KIF16B: variants seen among roughly 807,000 people sequenced by gnomAD.
The protein encoded by KIF16B is kinesin-like protein KIF16B.
A neutral mutation model predicts 156.3 loss-of-function variants in KIF16B; 98 were observed. That is an observed-to-expected ratio of 0.63 (90% confidence interval 0.53 to 0.74). The LOEUF (loss-of-function observed/expected upper bound fraction) is 0.74. Among genes scored for constraint, KIF16B ranks in the 30% least tolerant of loss-of-function variants. KIF16B has a pLI of 0.00. For missense variants in KIF16B, 1,421 were observed against 1,606.5 expected (o/e 0.88, Z 1.97); for synonymous variants, 564 against 583.7 (o/e 0.97, Z 0.49).
At position 16,515,531 on chromosome 20, in the gene KIF16B, C is replaced by G. The variant is rs567065097; in HGVS notation, c.348+17G>C. 6.2e-6 allele frequency: 8 copies of G among 1,298,688 alleles called. No individual in the cohort carries two copies. Among genetic ancestry groups the G allele is most frequent in the Non-Finnish European group, 8.9e-6 (8 of 893,946 alleles). The allele number at this position is 1,298,688 out of a possible 1,614,324, so 80.4% of individuals were successfully genotyped here. On this transcript the variant is annotated intron_variant, in intron 4 of 25. Transcript: ENST00000354981. ...GATAATGAGAAATTTCCTTCCCACA[C>G]AGTATAAACAACGTACAGAATTTCC...
rs761228109 is a variant in KIF16B at position 16,528,423 on chromosome 20, G to A, written c.65C>T (p.Ala22Val). The A allele has an allele frequency of 7.4e-6, 12 of 1,613,062 alleles. No homozygotes were observed. The Middle Eastern group carries it at 1.2e-3, about 155-fold the overall frequency. ...PMNRREKDLE[A>V]KFIIQMEKSK... ...TTTCTCCATCTGAATAATGAACTTG[G>A]CCTCCAAGTCCTTTTCCCTGCAATA... Residue 22 changes from alanine (A) to valine (V), a missense_variant, in exon 2 of 26, where the codon GCC (alanine) becomes GTC (valine). Transcript: ENST00000354981.
chr20:16,312,348 C>T lies in KIF16B; in HGVS notation c.3782G>A (p.Arg1261Gln), dbSNP rs149140715. The change falls in exon 25 of 26, where the codon CGA (arginine) becomes CAA (glutamine). Residue 1261 changes from arginine to glutamine, a missense_variant. Coordinates refer to ENST00000354981, the MANE Select transcript of KIF16B (RefSeq NM_024704.5). ...NKDERVIAER[R>Q]SHLEKYLRDF... ...TAATTCTGTTACCTCTAAGTGACTT[C>T]GTCTCTCAGCAATCACACGTTCATC... is the stretch of plus-strand genomic sequence containing the variant. The T allele has an allele frequency of 2.3e-5, 37 of 1,612,702 alleles. No individual in the cohort carries two copies. The highest frequency in any genetic ancestry group is 2.2e-4 in the East Asian group (10 of 44,820).
chr20:16,374,201 A>G (rs558635337), intron 20 of KIF16B, 56 bp downstream of exon 20: 7 of 1,431,606 alleles, frequency 4.9e-6, no homozygotes, highest in Non-Finnish European at 5.5e-6. Flanking sequence ...CAGAGAAACA[A>G]TGAGTCCTTG....
intron 25 of KIF16B, among the ~76,000 whole-genome samples, chr20:16,301,915 G>T (rs544744953): frequency 6.6e-6 from 1 of 152,324 alleles, no homozygotes; most frequent in African/African-American, 2.4e-5. Flanking sequence ...CTCTCAAAGT[G>T]TTGGGATTAC....
intron 1 of KIF16B, among the ~76,000 whole-genome samples, chr20:16,530,504 T>C (rs2069707916): frequency 6.6e-6 from 1 of 152,018 alleles, no homozygotes; most frequent in Non-Finnish European, 1.5e-5. Context: ...AGGGGCCCGC[T>C]AGCAGCACGC....
intron 12 of KIF16B, among the ~76,000 whole-genome samples, chr20:16,439,746 G>A (rs944073189): frequency 2.0e-5 from 3 of 152,292 alleles, no homozygotes; most frequent in African/African-American, 4.8e-5. Flanking sequence ...GGAGGAGCAA[G>A]TCACATCTTA....
At chr20:16,561,983 T>C (rs932690735) in intron 1 of KIF16B, among the ~76,000 whole-genome samples, 3 of 152,112 alleles carry the variant, frequency 2.0e-5, no homozygotes, top group African/African-American at 4.8e-5. Flanking sequence ...AAGGAAGACA[T>C]TAGTGGGAAA....
At chr20:16,489,229 GTA>G (rs2068213720) in intron 12 of KIF16B, among the ~76,000 whole-genome samples, 2 of 152,166 alleles carry the variant, frequency 1.3e-5, no homozygotes, top group African/African-American at 4.8e-5. Context: ...TGGAGAAGAG[GTA>G]CCTGCTGCTG....
intron 12 of KIF16B, among the ~76,000 whole-genome samples, chr20:16,445,600 T>C (rs1182715442): frequency 6.6e-6 from 1 of 152,114 alleles, no homozygotes; most frequent in African/African-American, 2.4e-5. Context: ...GACCTTTTTC[T>C]GAAAATGTGG....
At chr20:16,549,857 T>C (rs1485484251) in intron 1 of KIF16B, among the ~76,000 whole-genome samples, 1 of 86,698 alleles carries the variant, frequency 1.2e-5, no homozygotes, top group Non-Finnish European at 2.3e-5. Flanking sequence ...CAAGATGGAT[T>C]AAAGATTTAA....
chr20:16,506,494 T>C (rs1310062936), intron 7 of KIF16B, among the ~76,000 whole-genome samples: 1 of 152,130 alleles, frequency 6.6e-6, no homozygotes, highest in African/African-American at 2.4e-5. Context: ...AGCAGAGAAA[T>C]GTAAGTAAGC....
chr20:16,324,254 T>C (rs1229850369), intron 24 of KIF16B, among the ~76,000 whole-genome samples: 1 of 151,956 alleles, frequency 6.6e-6, no homozygotes, highest in Non-Finnish European at 1.5e-5. Flanking sequence ...TTTGGTCTCA[T>C]CTAGAGAATT....
chr20:16,329,495 A>C (rs2063913097), intron 24 of KIF16B, among the ~76,000 whole-genome samples: 1 of 152,222 alleles, frequency 6.6e-6, no homozygotes, highest in Admixed American at 6.5e-5. Flanking sequence ...TCGCATGATA[A>C]AATTTCAAAG....
chr20:16,559,599 T>C (rs1026105267), intron 1 of KIF16B, among the ~76,000 whole-genome samples: 3 of 138,468 alleles, frequency 2.2e-5, no homozygotes, highest in Admixed American at 7.2e-5. Flanking sequence ...GGAGACCCCA[T>C]CTCTACAAAA....
chr20:16,394,257 T>C (rs2065439026), intron 17 of KIF16B, among the ~76,000 whole-genome samples: 1 of 152,194 alleles, frequency 6.6e-6, no homozygotes, highest in African/African-American at 2.4e-5. Context: ...AGATTGTTCT[T>C]TGAATTTAAG....
chr20:16,446,630 T>G (rs1397729015), intron 12 of KIF16B, among the ~76,000 whole-genome samples: 2 of 152,204 alleles, frequency 1.3e-5, no homozygotes, highest in African/African-American at 2.4e-5. Context: ...AGACTAGATC[T>G]TTAATTCAAA....
chr20:16,470,459 A>C (rs1179592728), intron 12 of KIF16B, among the ~76,000 whole-genome samples: 3 of 151,978 alleles, frequency 2.0e-5, no homozygotes, highest in African/African-American at 7.3e-5. Context: ...GGAACTCTCC[A>C]CACTTAAAGT....
chr20:16,318,078 C>A (rs1433783289), intron 24 of KIF16B, among the ~76,000 whole-genome samples: 1 of 151,988 alleles, frequency 6.6e-6, no homozygotes, highest in East Asian at 1.9e-4. Context: ...TCTGCGCATG[C>A]CATAGCTGCC....
intron 17 of KIF16B, among the ~76,000 whole-genome samples, chr20:16,391,037 A>C (rs1212633648): frequency 2.0e-5 from 3 of 152,152 alleles, no homozygotes; most frequent in Admixed American, 2.0e-4. Flanking sequence ...CTTGCAGAGG[A>C]GGTGTTGTCT....
Sources: allele counts gnomAD v4.1 joint callset (sites outside exome capture counted in the v4.1 genomes callset), GRCh38; gene constraint gnomAD v4.1.1; transcripts MANE v1.5; gene names NCBI Gene and HGNC (gene_info 2026-07-23, HGNC 2026-07-21).